Variants in SLC44A5 observed in about 807,000 individuals in gnomAD.
SLC44A5 encodes solute carrier family 44 member 5.
A neutral mutation model predicts 101.8 loss-of-function variants in SLC44A5; 57 were observed. The observed-to-expected ratio is 0.56, with a 90% CI of 0.45 to 0.70. SLC44A5 has a LOEUF of 0.70. Among genes scored for constraint, SLC44A5 ranks in the 30% least tolerant of loss-of-function variants. The pLI is 0.00. For missense variants in SLC44A5, 737 were observed against 853.1 expected (o/e 0.86, Z 1.70); for synonymous variants, 281 against 290.9 (o/e 0.97, Z 0.35).
intron 2 of SLC44A5, among the ~76,000 whole-genome samples, chr1:75,406,580 C>T (rs1434137171): frequency 2.6e-5 from 4 of 152,118 alleles, no homozygotes; most frequent in Non-Finnish European, 4.4e-5. Flanking sequence ...TAAACATAAA[C>T]CATCACATAA....
At chr1:75,221,602 G>A (rs1647082493) in intron 14 of SLC44A5, among the ~76,000 whole-genome samples, 2 of 152,250 alleles carry the variant, frequency 1.3e-5, no homozygotes, top group Middle Eastern at 3.4e-3. Flanking sequence ...GACAGAAGTG[G>A]CAATAGCATA....
At chr1:75,651,836 C>T in the SLC44A5 span, among the ~76,000 whole-genome samples, 6 of 151,758 alleles carry the variant, frequency 4.0e-5, no homozygotes, top group Non-Finnish European at 8.8e-5. Context: ...AGAGGCCCCA[C>T]ACACACACAC....
the SLC44A5 span, among the ~76,000 whole-genome samples, chr1:75,649,856 T>C: frequency 6.6e-6 from 1 of 152,196 alleles, no homozygotes; most frequent in East Asian, 1.9e-4. Flanking sequence ...AAGGACCTAG[T>C]GACCTGCTCT....
the SLC44A5 span, among the ~76,000 whole-genome samples, chr1:75,715,134 G>C: frequency 2.0e-5 from 3 of 152,154 alleles, no homozygotes; most frequent in Admixed American, 2.0e-4. Context: ...ACTGCTCAAA[G>C]AAATCACACA....
At chr1:75,351,398 A>G (rs1658645491) in intron 3 of SLC44A5, among the ~76,000 whole-genome samples, 1 of 152,156 alleles carries the variant, frequency 6.6e-6, no homozygotes, top group Non-Finnish European at 1.5e-5. Context: ...ACATTACCTT[A>G]TATCAGGCAC....
intron 2 of SLC44A5, among the ~76,000 whole-genome samples, chr1:75,405,811 G>A (rs1256597814): frequency 2.7e-5 from 4 of 149,580 alleles, no homozygotes; most frequent in African/African-American, 9.9e-5. Context: ...AGAAGCAAGA[G>A]CAAACAAATT....
chr1:75,292,973 T>A (rs1653680742), intron 5 of SLC44A5, among the ~76,000 whole-genome samples: 1 of 152,238 alleles, frequency 6.6e-6, no homozygotes, highest in Admixed American at 6.5e-5. Context: ...TTCAATCATC[T>A]TTTTTCTTCA....
chr1:75,347,685 A>AGTGTGTGTGTGTGTGTGTGT (rs10677527), intron 3 of SLC44A5, among the ~76,000 whole-genome samples: 4 of 147,944 alleles, frequency 2.7e-5, no homozygotes, highest in African/African-American at 9.8e-5. Context: ...AGTGGTGGTG[A>AGTGTGTGTGTGTGTGTGTGT]GTGTGTGTGT....
In SLC44A5 at chr1:75,213,994, G is replaced by T. The variant is rs1553141287; in HGVS notation, c.1803-5C>A. 1 of 1,547,468 alleles carries T rather than the reference G, an allele frequency of 6.5e-7. No homozygotes were observed. The highest frequency in any genetic ancestry group is 8.8e-7 in the Non-Finnish European group (1 of 1,137,762). ...ACTTCATCTGTAACTGCAACTCTGA[G>T]TATCAGAAAAAAAGAAAGTATAATT... On this transcript the variant is annotated splice_region_variant and splice_polypyrimidine_tract_variant and intron_variant, in intron 20 of 23. Coordinates refer to ENST00000370859, the MANE Select transcript of SLC44A5 (RefSeq NM_001130058.2).
rs144368627 is a variant in SLC44A5, at chr1:75,302,506, T to G, written c.102-1821A>C. Among the ~76,000 whole-genome samples the G allele has an allele frequency of 4.9e-3, 748 of 152,208 alleles. 20 individuals are homozygous for G. Among genetic ancestry groups the G allele is most frequent in the East Asian group, 6.6e-3 (34 of 5,182 alleles). ...ATACATAATATAACACATACAGTAG[T>G]CTCCCCTTATTCGCAAGGGAGGCAT... is the stretch of plus-strand genomic sequence containing the variant. On this transcript the variant is annotated intron_variant, in intron 4 of 23. Coordinates refer to ENST00000370859, the MANE Select transcript of SLC44A5 (RefSeq NM_001130058.2).
At chr1:75,682,411 A>G in the SLC44A5 span, among the ~76,000 whole-genome samples, 1 of 151,956 alleles carries the variant, frequency 6.6e-6, no homozygotes. Flanking sequence ...ACAGAGATAT[A>G]GATCAATGGA....
chr1:75,505,616 A>T (rs1043012951), intron 2 of SLC44A5, among the ~76,000 whole-genome samples: 16 of 152,092 alleles, frequency 1.1e-4, no homozygotes, highest in African/African-American at 3.6e-4. Flanking sequence ...GGTATGGAGC[A>T]TTTATTCATA....
chr1:75,304,334 G>A (rs1034589024), intron 4 of SLC44A5, among the ~76,000 whole-genome samples: 2 of 151,254 alleles, frequency 1.3e-5, no homozygotes, highest in Non-Finnish European at 2.9e-5. Flanking sequence ...GTACTTTCAG[G>A]TAATTATAAT....
At chr1:75,610,863 T>TACAC (rs375669782) in intron 1 of SLC44A5, among the ~76,000 whole-genome samples, 177 bp downstream of exon 1, 2 of 151,446 alleles carry the variant, frequency 1.3e-5, no homozygotes. Flanking sequence ...TCTATATATA[T>TACAC]ACACACACAC....
chr1:75,235,239 G>GA (rs1302164105), intron 11 of SLC44A5, among the ~76,000 whole-genome samples: 9 of 150,644 alleles, frequency 6.0e-5, no homozygotes, highest in East Asian at 1.9e-4. Context: ...AATGTCAGAG[G>GA]AAAAAAAACA....
At chr1:75,515,406 T>G (rs1669776267) in intron 2 of SLC44A5, among the ~76,000 whole-genome samples, 1 of 152,180 alleles carries the variant, frequency 6.6e-6, no homozygotes, top group East Asian at 1.9e-4. Flanking sequence ...GTCTGAAATT[T>G]TGTACCTTTA....
chr1:75,593,316 A>T (rs1050108976), intron 1 of SLC44A5, among the ~76,000 whole-genome samples: 1 of 152,162 alleles, frequency 6.6e-6, no homozygotes, highest in Non-Finnish European at 1.5e-5. Context: ...AATGACTTAC[A>T]TCCAAAAGAC....
intron 5 of SLC44A5, among the ~76,000 whole-genome samples, chr1:75,276,098 CCTGT>C (rs1212860262): frequency 6.6e-6 from 1 of 152,058 alleles, no homozygotes; most frequent in East Asian, 1.9e-4. Context: ...TCAATCTAAG[CCTGT>C]CTTTTTAGTA....
At chr1:75,312,043 G>A (rs1241537418) in intron 4 of SLC44A5, among the ~76,000 whole-genome samples, 1 of 152,144 alleles carries the variant, frequency 6.6e-6, no homozygotes. Context: ...GCTGGTGGGA[G>A]ATAGTTGAAT....
Sources: gnomAD v4.1 joint callset for allele counts (sites outside exome capture counted in the v4.1 genomes callset) on GRCh38, gnomAD v4.1.1 for gene constraint, MANE v1.5 for transcripts, NCBI Gene and HGNC (gene_info 2026-07-23, HGNC 2026-07-21) for gene names.